Variants in VTI1A observed in about 807,000 individuals in gnomAD.
VTI1A encodes vesicle transport through interaction with t-SNAREs 1A.
A neutral mutation model predicts 34.9 loss-of-function variants in VTI1A; 22 were observed. The observed-to-expected ratio is 0.63, with a 90% CI of 0.45 to 0.90. The LOEUF is 0.90. VTI1A is among the 40% of genes least tolerant of loss of function. The pLI is 0.00. For synonymous variants in VTI1A, 87 were observed against 97.3 expected (o/e 0.89, Z 0.62); for missense variants, 268 against 275.6 (o/e 0.97, Z 0.20).
At chr10:112,842,079 T>G in the VTI1A span, among the ~76,000 whole-genome samples, 1 of 141,818 alleles carries the variant, frequency 7.1e-6, no homozygotes, top group African/African-American at 2.7e-5. Context: ...TTTTTTTTTT[T>G]TGAGACGGAG....
chr10:112,501,961 G>GGTTA (rs906515065), intron 3 of VTI1A, among the ~76,000 whole-genome samples: 5 of 151,278 alleles, frequency 3.3e-5, no homozygotes, highest in Admixed American at 2.0e-4. Context: ...AACATAAAGT[G>GGTTA]GTTAGTTAGC....
chr10:112,537,317 A>ATATATATATATATATATG (rs1850676753), intron 4 of VTI1A, among the ~76,000 whole-genome samples: 1 of 89,224 alleles, frequency 1.1e-5, no homozygotes, highest in Non-Finnish European at 2.3e-5. Context: ...CTAGGTATAT[A>ATATATATATATATATATG]TATATATATA....
chr10:112,661,109 T>C (rs796900910), intron 5 of VTI1A, among the ~76,000 whole-genome samples: 12 of 152,254 alleles, frequency 7.9e-5, no homozygotes, highest in African/African-American at 2.4e-4. Context: ...GCCTCCCAAG[T>C]AGCTGGGACT....
intron 4 of VTI1A, among the ~76,000 whole-genome samples, chr10:112,528,439 T>G (rs1368538872): frequency 6.6e-6 from 1 of 152,030 alleles, no homozygotes; most frequent in East Asian, 1.9e-4. Flanking sequence ...TTCAGACATG[T>G]GAACACGTTC....
At chr10:112,488,383 T>G (rs1216639093) in intron 3 of VTI1A, among the ~76,000 whole-genome samples, 1 of 152,228 alleles carries the variant, frequency 6.6e-6, no homozygotes, top group Non-Finnish European at 1.5e-5. Flanking sequence ...TTCTCTGTAT[T>G]AAGTGAAGAG....
At chr10:112,744,060 A>G (rs1468803051) in intron 7 of VTI1A, among the ~76,000 whole-genome samples, 1 of 152,200 alleles carries the variant, frequency 6.6e-6, no homozygotes, top group East Asian at 1.9e-4. Context: ...TGTGTTTTTA[A>G]TATTCCAGAT....
rs1264346722 is a variant in VTI1A, at chr10:112,767,497, G to A, written c.561-47793G>A. Among the ~76,000 whole-genome samples, 1 of 152,212 alleles carries A rather than the reference G, an allele frequency of 6.6e-6. No individual in the cohort carries two copies. The highest frequency in any genetic ancestry group is 1.5e-5 in the Non-Finnish European group (1 of 68,036). On this transcript the variant is annotated intron_variant, in intron 7 of 7. Transcript: ENST00000393077. This position sits in a 1 kb window ranked among gnomAD's most constrained non-coding sequence, Gnocchi z 4.0. ...TGAAGTAAAATCTGTCAGATTAAAA[G>A]CACAAGGAGAGAAACCATTCTAGTG...
intron 3 of VTI1A, among the ~76,000 whole-genome samples, chr10:112,514,112 G>T (rs1849698853): frequency 6.6e-6 from 1 of 152,002 alleles, no homozygotes; most frequent in Non-Finnish European, 1.5e-5. Context: ...ATGTTTGGTA[G>T]AATTCAGCAG....
At chr10:112,742,623 C>T (rs1850731751) in intron 7 of VTI1A, among the ~76,000 whole-genome samples, 1 of 152,172 alleles carries the variant, frequency 6.6e-6, no homozygotes, top group Admixed American at 6.5e-5. Context: ...ATACAGATCT[C>T]CTTTCAGGAT....
At chr10:112,768,524 C>CT in intron 7 of VTI1A, among the ~76,000 whole-genome samples, 1 of 152,138 alleles carries the variant, frequency 6.6e-6, no homozygotes, top group Non-Finnish European at 1.5e-5. Context: ...GTTTTTTCTC[C>CT]TTTTTTGCAT....
At chr10:112,778,696 G>GAA (rs67718990) in intron 7 of VTI1A, among the ~76,000 whole-genome samples, 1 of 151,384 alleles carries the variant, frequency 6.6e-6, no homozygotes, top group East Asian at 1.9e-4. Context: ...AGTCCTCCAG[G>GAA]AAAAAATTTT....
intron 7 of VTI1A, among the ~76,000 whole-genome samples, chr10:112,716,914 G>A (rs75718780): frequency 6.6e-6 from 1 of 152,346 alleles, no homozygotes; most frequent in South Asian, 2.1e-4. Flanking sequence ...GTTTGAGCCA[G>A]TGGTACCTTA....
chr10:112,503,282 G>A (rs968021302), intron 3 of VTI1A, among the ~76,000 whole-genome samples: 3 of 151,868 alleles, frequency 2.0e-5, no homozygotes, highest in South Asian at 2.1e-4. Flanking sequence ...ATCCTTCTAC[G>A]CCTGTGGTAA....
chr10:112,462,994 G>A (rs1044692486), intron 2 of VTI1A, among the ~76,000 whole-genome samples: 1 of 151,858 alleles, frequency 6.6e-6, no homozygotes, highest in East Asian at 1.9e-4. Context: ...GCACGATCTC[G>A]GCTCACTGCA....
intron 7 of VTI1A, among the ~76,000 whole-genome samples, chr10:112,770,388 GTTTTCTT>G (rs1250047298): frequency 6.6e-6 from 1 of 151,426 alleles, no homozygotes; most frequent in African/African-American, 2.4e-5. Flanking sequence ...AATTCCAAAT[GTTTTCTT>G]TTTTCTTTTT....
At position 112,519,296 on chromosome 10, in the gene VTI1A, G is replaced by A. The variant is rs140212136; in HGVS notation, c.265-7791G>A. ...GCGGCTCCTCTCTGAGCCATAGGTA[G>A]GCTATTGTTGCTTTATGGTACAGCC... is the stretch of plus-strand genomic sequence containing the variant. On this transcript the variant is annotated intron_variant, in intron 3 of 7. Coordinates refer to ENST00000393077, the MANE Select transcript of VTI1A (RefSeq NM_145206.4). Among the ~76,000 whole-genome samples the A allele has an allele frequency of 5.1e-3, 784 of 152,240 alleles. 23 individuals carry two copies. Among genetic ancestry groups the A allele is most frequent in the Admixed American group, 0.046 (698 of 15,270 alleles).
intron 3 of VTI1A, among the ~76,000 whole-genome samples, chr10:112,483,158 A>G (rs1848506985): frequency 6.6e-6 from 1 of 152,318 alleles, no homozygotes; most frequent in East Asian, 1.9e-4. Context: ...TGCTATATCC[A>G]GATGCTTTTA....
chr10:112,553,840 C>T (rs991620689), intron 5 of VTI1A, among the ~76,000 whole-genome samples: 1 of 152,178 alleles, frequency 6.6e-6, no homozygotes. Flanking sequence ...CAACTTTATA[C>T]TAAGAAAGAG....
intron 7 of VTI1A, among the ~76,000 whole-genome samples, chr10:112,793,977 G>C (rs1006011454): frequency 1.3e-5 from 2 of 152,158 alleles, no homozygotes; most frequent in African/African-American, 4.8e-5. Context: ...GCATAAAGAA[G>C]ATGAAGTGCC....
Sources: allele counts gnomAD v4.1 joint callset (sites outside exome capture counted in the v4.1 genomes callset), GRCh38; gene constraint gnomAD v4.1.1; non-coding constraint Gnocchi (gnomAD v3.1); transcripts MANE v1.5; gene names NCBI Gene and HGNC (gene_info 2026-07-23, HGNC 2026-07-21).